ZNF202: variants seen among roughly 807,000 people sequenced by gnomAD.
ZNF202 encodes zinc finger protein 202, also known as zinc finger protein with KRAB and SCAN domains 10.
In ZNF202, 22 loss-of-function variants were observed where a neutral mutation model predicts 54.5. The observed-to-expected ratio is 0.40, with a 90% CI of 0.29 to 0.58. The LOEUF is 0.58. Among genes scored for constraint, ZNF202 ranks in the 20% least tolerant of loss-of-function variants. The pLI is 0.39. For synonymous variants in ZNF202, 294 were observed against 301.4 expected, an observed-to-expected ratio of 0.98 and a Z score of 0.26; for missense variants, 644 against 805.5, an observed-to-expected ratio of 0.80 and a Z score of 2.43.
intron 3 of ZNF202, among the ~76,000 whole-genome samples, chr11:123,735,875 T>A (rs1285555224): frequency 6.6e-6 from 1 of 152,254 alleles, no homozygotes; most frequent in Non-Finnish European, 1.5e-5. Flanking sequence ...TTGCCTTTGC[T>A]ATTCTAATAC....
intron 1 of ZNF202, among the ~76,000 whole-genome samples, chr11:123,741,052 GGGGGGCT>G (rs762748840): frequency 1.8e-4 from 28 of 152,168 alleles, no homozygotes; most frequent in Non-Finnish European, 4.1e-4. Flanking sequence ...GGTGTGTGCT[GGGGGGCT>G]GAGGGGGGCT....
chr11:123,732,237 T>C (rs1880058), intron 3 of ZNF202, among the ~76,000 whole-genome samples: 107,277 of 152,152 alleles, frequency 0.71, 38,143 homozygotes, highest in Middle Eastern at 0.82. Context: ...CCCACTATGA[T>C]CAGAACGAGC....
intron 5 of ZNF202, 136 bp downstream of exon 5, chr11:123,729,479 G>T: frequency 8.8e-7 from 1 of 1,142,498 alleles, no homozygotes; most frequent in Non-Finnish European, 1.2e-6. Flanking sequence ...GTCTCCTCTT[G>T]ACATCCTGGA....
In ZNF202 at chr11:123,730,192, C is replaced by T. The variant is rs968505128; in HGVS notation, c.402+295G>A. On this transcript the variant is annotated intron_variant, in intron 4 of 8. Transcript: ENST00000530393. This position sits in a 1 kb window ranked among gnomAD's most constrained non-coding sequence, Gnocchi z 6.0. ...TCTATGAGAACCTTCGAGGAAGTCA[C>T]AAAATTCTCCTCTCCAGGAACCCAC... Among the ~76,000 whole-genome samples the T allele has an allele frequency of 6.6e-5, 10 of 152,220 alleles. No individual in the cohort carries two copies. The highest frequency in any genetic ancestry group is 2.4e-4 in the African/African-American group (10 of 41,522).
intron 3 of ZNF202, chr11:123,739,378 TC>T (rs11350538): frequency 0.14 from 21,050 of 152,176 alleles, 1,693 homozygotes; most frequent in East Asian, 0.27. Flanking sequence ...CAATTACGTG[TC>T]CCACACTATT....
chr11:123,731,139 T>C (rs1297881700), intron 3 of ZNF202, among the ~76,000 whole-genome samples, 154 bp from the exon 4 acceptor site: 2 of 152,224 alleles, frequency 1.3e-5, no homozygotes, highest in South Asian at 2.1e-4. Context: ...ACAGATCCAG[T>C]TGGGAGAGGA....
At position 123,727,003 on chromosome 11, in the gene ZNF202, G is replaced by T; in HGVS notation, c.953-12C>A. On this transcript the variant is annotated splice_polypyrimidine_tract_variant and intron_variant, in intron 8 of 8. Coordinates refer to ENST00000530393, the MANE Select transcript of ZNF202 (RefSeq NM_003455.4). ...TTTACTCCTATCTCCTGTAGAAAGG[G>T]TGAGAGGAAAAAGGGGGTCACTGTA... 6.3e-7 allele frequency: 1 copy of T among 1,595,264 alleles called. No homozygotes were observed. Among genetic ancestry groups the T allele is most frequent in the East Asian group, 2.2e-5 (1 of 44,708 alleles).
chr11:123,727,554 C>G lies in ZNF202; in HGVS notation c.874G>C (p.Glu292Gln). 1 of 1,614,160 alleles carries G rather than the reference C, an allele frequency of 6.2e-7. No homozygotes were observed. The highest frequency in any genetic ancestry group is 8.5e-7 in the Non-Finnish European group (1 of 1,180,026). ...ATATCTGGGACCCAAGGCTCTTCCT[C>G]TCTAACCTGGGAGATCTCATCAGGT... is the stretch of plus-strand genomic sequence containing the variant. ...PRPDEISQVREEEPWVPDIQE... is the reference protein window; with the variant it reads ...PRPDEISQVRQEEPWVPDIQE... Residue 292 changes from glutamate to glutamine, a missense_variant, in exon 8 of 9, where the codon GAG (glutamate) becomes CAG (glutamine). This residue lies in a region of ZNF202 where 536 missense variants were observed against 635.3 expected (regional missense o/e 0.84). Coordinates refer to ENST00000530393, the MANE Select transcript of ZNF202 (RefSeq NM_003455.4).
chr11:123,728,185 CTCTT>C lies in ZNF202; in HGVS notation c.776_779del (p.Lys259SerfsTer53). On this transcript the variant is annotated frameshift_variant, in exon 7 of 9. Transcript: ENST00000530393. LOFTEE classifies it high-confidence loss of function. ...CTTCCAAGACATATTCTCCATAGAA[CTCTT>C]TCTGTGTTGGGTCCAGATCACTCCA... 1 of 1,613,146 alleles carries C rather than the reference CTCTT, an allele frequency of 6.2e-7. No individual in the cohort carries two copies. The highest frequency in any genetic ancestry group is 8.5e-7 in the Non-Finnish European group (1 of 1,179,386).
chr11:123,729,284 C>T (rs545657530), intron 5 of ZNF202, 70 bp from the exon 6 acceptor site: 6 of 1,460,444 alleles, frequency 4.1e-6, no homozygotes, highest in Non-Finnish European at 3.8e-6. Flanking sequence ...ATCTGGGCAT[C>T]CCCCACCATC....
In ZNF202 at chr11:123,730,267, T is replaced by C. The variant is rs1861348723; in HGVS notation, c.402+220A>G. ...ACCAAAGCCATGACCCTTTGGTGGC[T>C]GAGACCCCTCAGATGGTCCCTATAC... On this transcript the variant is annotated intron_variant, in intron 4 of 8. Coordinates refer to ENST00000530393, the MANE Select transcript of ZNF202 (RefSeq NM_003455.4). The surrounding 1 kb of genome is among the most constrained non-coding windows in gnomAD (Gnocchi z 6.0). 6.6e-6 allele frequency among the ~76,000 whole-genome samples: 1 copy of C among 152,198 alleles called. No homozygotes were observed. Among genetic ancestry groups the C allele is most frequent in the South Asian group, 2.1e-4 (1 of 4,830 alleles).
intron 3 of ZNF202, among the ~76,000 whole-genome samples, chr11:123,739,756 A>G (rs10750239): frequency 0.68 from 103,681 of 152,070 alleles, 35,539 homozygotes; most frequent in Middle Eastern, 0.82. Flanking sequence ...ACTGCAATAC[A>G]TATATCACAT....
intron 5 of ZNF202, 152 bp downstream of exon 5, chr11:123,729,463 G>T: frequency 9.8e-7 from 1 of 1,019,786 alleles, no homozygotes; most frequent in Non-Finnish European, 1.4e-6. Flanking sequence ...TCTAGCTGGC[G>T]GTACTGTCTC....
At chr11:123,735,743 T>C (rs1291371172) in intron 3 of ZNF202, among the ~76,000 whole-genome samples, 2 of 152,246 alleles carry the variant, frequency 1.3e-5, no homozygotes, top group African/African-American at 4.8e-5. Flanking sequence ...ATATGAGAGC[T>C]TTATGAACTA....
At chr11:123,727,451 T>C (rs777682680) in intron 8 of ZNF202, 25 bp downstream of exon 8, 1 of 1,612,830 alleles carries the variant, frequency 6.2e-7, no homozygotes, top group Non-Finnish European at 8.5e-7. Context: ...TCAGGGTGGG[T>C]AACACCGTTT....
intron 3 of ZNF202, among the ~76,000 whole-genome samples, chr11:123,731,699 T>TA (rs1440385132): frequency 1.2e-4 from 19 of 152,348 alleles, no homozygotes; most frequent in African/African-American, 4.1e-4. Flanking sequence ...TAATGGTTTT[T>TA]ATCTAATAGG....
At chr11:123,741,219 G>C (rs1861850819) in intron 1 of ZNF202, among the ~76,000 whole-genome samples, 1 of 152,144 alleles carries the variant, frequency 6.6e-6, no homozygotes, top group African/African-American at 2.4e-5. Context: ...TGGCGCGGAA[G>C]CGTTAGGAGG....
At chr11:123,739,889 T>G (rs754180354) in intron 3 of ZNF202, among the ~76,000 whole-genome samples, 1 of 152,142 alleles carries the variant, frequency 6.6e-6, no homozygotes, top group Non-Finnish European at 1.5e-5. Flanking sequence ...ACTCTAGGGG[T>G]GGGCCCCAGC....
intron 3 of ZNF202, 113 bp from the exon 4 acceptor site, chr11:123,731,098 T>C: frequency 1.9e-6 from 1 of 513,814 alleles, no homozygotes; most frequent in African/African-American, 1.9e-5. Context: ...GGTTAAATCC[T>C]CTTTTCCCCA....
Sources: gnomAD v4.1 joint callset for allele counts (sites outside exome capture counted in the v4.1 genomes callset) on GRCh38, gnomAD v4.1.1 for gene constraint, gnomAD v4.1.1 regional missense constraint, Gnocchi (gnomAD v3.1) non-coding constraint, MANE v1.5 for transcripts, NCBI Gene and HGNC (gene_info 2026-07-23, HGNC 2026-07-21) for gene names.